FAM167A: variants seen among roughly 807,000 people sequenced by gnomAD.
FAM167A encodes family with sequence similarity 167 member A.
A neutral mutation model predicts 14.9 loss-of-function variants in FAM167A; 23 were observed. The ratio of observed to expected loss-of-function variants is 1.55; its 90% confidence interval spans 1.11 to 2.19. The LOEUF (loss-of-function observed/expected upper bound fraction) is 2.19. Among genes scored for constraint, FAM167A ranks in the 30% most tolerant of loss-of-function variants. The pLI is 0.00. For synonymous variants in FAM167A, 174 were observed against 117.7 expected (o/e 1.48, Z -3.10); for missense variants, 401 against 281.5 (o/e 1.42, Z -3.04).
At chr8:11,434,726 G>A (rs183997109) in intron 2 of FAM167A, 4 of 242,360 alleles carry the variant, frequency 1.7e-5, no homozygotes, top group Non-Finnish European at 3.3e-5. Context: ...AGGGGCTCTG[G>A]GTTCCAGTCC....
intron 1 of FAM167A, among the ~76,000 whole-genome samples, chr8:11,456,884 G>A (rs543523957): frequency 8.3e-6 from 1 of 119,868 alleles, no homozygotes; most frequent in African/African-American, 3.5e-5. Flanking sequence ...TGGGCCCTGG[G>A]TTAGGGAAAT....
intron 1 of FAM167A, among the ~76,000 whole-genome samples, chr8:11,458,083 C>A (rs75637965): frequency 1.3e-5 from 2 of 151,844 alleles, no homozygotes; most frequent in Non-Finnish European, 2.9e-5. Flanking sequence ...ATCTCCCCAG[C>A]AGACCTCCCA....
chr8:11,468,028 C>G (rs1807839676), upstream of FAM167A, among the ~76,000 whole-genome samples: 1 of 152,176 alleles, frequency 6.6e-6, no homozygotes, highest in Non-Finnish European at 1.5e-5. Context: ...TGTCCCTACC[C>G]AAGCCACCAG....
chr8:11,460,601 C>A (rs1183919163), intron 1 of FAM167A, among the ~76,000 whole-genome samples: 2 of 152,258 alleles, frequency 1.3e-5, no homozygotes, highest in Admixed American at 6.5e-5. Context: ...GTTTCCACAC[C>A]TGGTGCAACA....
intron 1 of FAM167A, among the ~76,000 whole-genome samples, chr8:11,452,531 G>A (rs1013516960): frequency 8.5e-5 from 13 of 152,208 alleles, no homozygotes; most frequent in Non-Finnish European, 1.6e-4. Flanking sequence ...GCCTGTGGCT[G>A]CATCTGTCTC....
rs113932958 is a variant in FAM167A, at chr8:11,464,324, T to G, written c.-398+2302A>C. ...GAAAAGCTGAGACCTGCGGCCTACC[T>G]GACTCATCCTGGCAACACGGCCCTC... On this transcript the variant is annotated intron_variant, in intron 1 of 2. Coordinates refer to ENST00000284486, the MANE Select transcript of FAM167A (RefSeq NM_053279.3). 5.5e-3 allele frequency among the ~76,000 whole-genome samples: 839 copies of G among 152,258 alleles called. 10 individuals carry two copies. The highest frequency in any genetic ancestry group is 0.017 in the African/African-American group (714 of 41,524).
chr8:11,471,128 G>T (rs1807948402), upstream of FAM167A, among the ~76,000 whole-genome samples: 1 of 152,216 alleles, frequency 6.6e-6, no homozygotes, highest in African/African-American at 2.4e-5. Context: ...GGAGGTGACA[G>T]ATTCCACCTG....
chr8:11,441,544 T>C (rs1056413406), intron 2 of FAM167A, among the ~76,000 whole-genome samples: 9 of 152,186 alleles, frequency 5.9e-5, no homozygotes, highest in African/African-American at 1.9e-4. Context: ...ATCTCCTTGG[T>C]CGCTGCTCTT....
chr8:11,472,301 T>C (rs912117935), upstream of FAM167A, among the ~76,000 whole-genome samples: 24 of 152,176 alleles, frequency 1.6e-4, no homozygotes, highest in Non-Finnish European at 7.3e-5. Context: ...TTTTATCTTG[T>C]GAACACTTGT....
chr8:11,443,181 G>C (rs1585256355), intron 2 of FAM167A, among the ~76,000 whole-genome samples: 1 of 152,326 alleles, frequency 6.6e-6, no homozygotes, highest in African/African-American at 2.4e-5. Flanking sequence ...CATGCCTGGT[G>C]CTGCTGAGAG....
At chr8:11,460,358 C>A (rs905646317) in intron 1 of FAM167A, among the ~76,000 whole-genome samples, 37 of 152,314 alleles carry the variant, frequency 2.4e-4, no homozygotes, top group African/African-American at 8.7e-4. Context: ...CCCATCCCAC[C>A]CTAAGCCATT....
intron 1 of FAM167A, among the ~76,000 whole-genome samples, chr8:11,455,245 G>C (rs1019785752): frequency 5.3e-5 from 8 of 150,202 alleles, no homozygotes; most frequent in African/African-American, 2.0e-4. Flanking sequence ...TTGCCTTGCT[G>C]TGTGAGTGTG....
intron 2 of FAM167A, among the ~76,000 whole-genome samples, chr8:11,425,138 A>G (rs911991150): frequency 4.6e-5 from 7 of 151,432 alleles, no homozygotes; most frequent in Admixed American, 3.9e-4. Context: ...AATGCCTGAA[A>G]TATTTCTTAG....
chr8:11,435,453 T>A (rs1170691232), intron 2 of FAM167A, among the ~76,000 whole-genome samples: 1 of 152,246 alleles, frequency 6.6e-6, no homozygotes, highest in Non-Finnish European at 1.5e-5. Flanking sequence ...AAAAGCCATT[T>A]GTTAGATGAA....
chr8:11,443,796 G>A (rs543965143), intron 2 of FAM167A: 43 of 537,902 alleles, frequency 8.0e-5, no homozygotes, highest in Non-Finnish European at 1.1e-4. Flanking sequence ...GAAAACACCT[G>A]CTTCCTTCAT....
intron 2 of FAM167A, among the ~76,000 whole-genome samples, chr8:11,442,192 C>G (rs1806480992): frequency 6.6e-6 from 1 of 152,224 alleles, no homozygotes; most frequent in African/African-American, 2.4e-5. Context: ...GGCCAGCACA[C>G]TGGGCAGGGC....
At chr8:11,465,749 G>C (rs998355971) in intron 1 of FAM167A, among the ~76,000 whole-genome samples, 1 of 152,120 alleles carries the variant, frequency 6.6e-6, no homozygotes, top group Non-Finnish European at 1.5e-5. Context: ...TGTGCCCCTT[G>C]GTGAAAACCC....
At chr8:11,471,945 C>T (rs771923844), upstream of FAM167A, among the ~76,000 whole-genome samples, 1 of 152,268 alleles carries the variant, frequency 6.6e-6, no homozygotes, top group Non-Finnish European at 1.5e-5. Flanking sequence ...TGAGGCCTCA[C>T]TCCCACCTCC....
intron 1 of FAM167A, among the ~76,000 whole-genome samples, chr8:11,459,151 C>CT (rs1366877976): frequency 1.3e-5 from 2 of 151,964 alleles, no homozygotes; most frequent in Non-Finnish European, 2.9e-5. Flanking sequence ...AAGAGGAGAC[C>CT]TTTTTTATTG....
Sources: allele counts gnomAD v4.1 joint callset (sites outside exome capture counted in the v4.1 genomes callset), GRCh38; gene constraint gnomAD v4.1.1; transcripts MANE v1.5; gene names NCBI Gene and HGNC (gene_info 2026-07-23, HGNC 2026-07-21).